SEC23IP: variants seen among roughly 807,000 people sequenced by gnomAD.
SEC23IP encodes the protein SEC23 interacting protein.
SEC23IP carries 70 observed loss-of-function variants against 113.4 expected under a neutral mutation model. That is an observed-to-expected ratio of 0.62 (90% confidence interval 0.51 to 0.75). The LOEUF (loss-of-function observed/expected upper bound fraction) is 0.75, where lower values mean the gene tolerates loss of function less well. SEC23IP is among the 30% of genes least tolerant of loss of function. The pLI is 0.00. For synonymous variants in SEC23IP, 398 were observed against 421.0 expected, an observed-to-expected ratio of 0.95 and a Z score of 0.67; for missense variants, 1,160 against 1,204.9, an observed-to-expected ratio of 0.96 and a Z score of 0.55.
At chr10:119,911,363 C>T (rs537394997) in intron 5 of SEC23IP, among the ~76,000 whole-genome samples, 48 of 151,834 alleles carry the variant, frequency 3.2e-4, no homozygotes, top group Non-Finnish European at 6.0e-4. Flanking sequence ...TGAGCTCAAG[C>T]GGTCCTCCCA....
At position 119,944,494 on chromosome 10, in the gene SEC23IP, G is replaced by A. The variant is rs1159655335; in HGVS notation, c.*3929G>A. 6.6e-6 allele frequency: 1 copy of A among 152,270 alleles called. No individual in the cohort carries two copies. Among genetic ancestry groups the A allele is most frequent in the African/African-American group, 2.4e-5 (1 of 41,440 alleles). 9.4% of individuals were successfully genotyped at this position (152,270 alleles called of 1,614,324 possible). ...AGGTAAAGAGATGTGGCCAGGTGAAGACGGAAAAAGGACAGTGCATTCCAG... is the reference window on the plus strand; with the variant it reads ...AGGTAAAGAGATGTGGCCAGGTGAAAACGGAAAAAGGACAGTGCATTCCAG... On this transcript the variant is annotated 3_prime_UTR_variant, in exon 19 of 19. Coordinates refer to ENST00000369075, the MANE Select transcript of SEC23IP (RefSeq NM_007190.4).
intron 13 of SEC23IP, among the ~76,000 whole-genome samples, chr10:119,928,033 G>A (rs1312447775): frequency 1.3e-5 from 2 of 152,116 alleles, no homozygotes; most frequent in African/African-American, 2.4e-5. Flanking sequence ...CTTTGACAAC[G>A]CTATTGTAAA....
rs746659169 is a variant in SEC23IP, at chr10:119,917,900, C to T, written c.1609C>T (p.Leu537=). ...TCGTCACTTTACCAATGAAACTTTG[C>T]TAGATATTTTATTTTATAACAGCCC... ...RFRHFTNETL[L]DILFYNSPTY... The change falls in exon 9 of 19, where the codon CTA becomes TTA. Residue 537 remains leucine (L), a synonymous_variant. Coordinates refer to ENST00000369075, the MANE Select transcript of SEC23IP (RefSeq NM_007190.4). 1 of 1,613,944 alleles carries T rather than the reference C, an allele frequency of 6.2e-7. No homozygotes were observed. The highest frequency in any genetic ancestry group is 1.1e-5 in the South Asian group (1 of 91,084).
chr10:119,933,384 GT>G (rs1855671524), intron 17 of SEC23IP, among the ~76,000 whole-genome samples: 1 of 152,144 alleles, frequency 6.6e-6, no homozygotes, highest in Non-Finnish European at 1.5e-5. Flanking sequence ...CTTGCACACT[GT>G]TTTTGTGGGA....
intron 6 of SEC23IP, chr10:119,914,401 C>A: frequency 3.6e-6 from 1 of 281,086 alleles, no homozygotes; most frequent in Non-Finnish European, 6.8e-6. Flanking sequence ...GAGTAATCTC[C>A]ACTGGGGCTT....
chr10:119,923,014 C>CA (rs201496474), intron 12 of SEC23IP, among the ~76,000 whole-genome samples: 8,167 of 137,482 alleles, frequency 0.059, 427 homozygotes, highest in South Asian at 0.29. Context: ...AAAAAAAAAA[C>CA]AAAAAAAACA....
rs568494204 is a variant in SEC23IP at position 119,938,440 on chromosome 10, A to G, written c.*21-2146A>G. On this transcript the variant is annotated intron_variant, in intron 18 of 18. Coordinates refer to ENST00000369075, the MANE Select transcript of SEC23IP (RefSeq NM_007190.4). ...ATGTAGTTGCTTGCTTTTATCCCTC[A>G]TTGAGACTATAGATGTTTAGTCCCC... Among the ~76,000 whole-genome samples, 3 of 152,114 alleles carry G rather than the reference A, an allele frequency of 2.0e-5. No homozygotes were observed. The East Asian group carries it at 5.8e-4, about 29-fold the overall frequency.
In SEC23IP at chr10:119,933,578, C is replaced by T. The variant is rs987761510; in HGVS notation, c.2922-108C>T. 4.4e-5 allele frequency: 29 copies of T among 652,320 alleles called. 1 individual carries two copies. The highest frequency in any genetic ancestry group is 4.4e-4 in the South Asian group (23 of 51,932). The allele number at this position is 652,320 out of a possible 1,614,324, so 40.4% of individuals were successfully genotyped here. The stretch of plus-strand genomic sequence containing the variant: ...TGAGATTACATTGCTATCATTTGCC[C>T]TTCTTAGATAGAGTTGAATAGAATA... On this transcript the variant is annotated intron_variant, in intron 17 of 18. Coordinates refer to ENST00000369075, the MANE Select transcript of SEC23IP (RefSeq NM_007190.4).
In SEC23IP at chr10:119,940,661, C is replaced by T. The variant is rs1226864719; in HGVS notation, c.*96C>T. ...ATCCTCAGAGGACTTTCCCACTTCG[C>T]TCCTGTGATGGATGACAGAAGAGTG... On this transcript the variant is annotated 3_prime_UTR_variant, in exon 19 of 19. Coordinates refer to ENST00000369075, the MANE Select transcript of SEC23IP (RefSeq NM_007190.4). 6.6e-6 allele frequency: 1 copy of T among 151,952 alleles called. No individual in the cohort carries two copies. The highest frequency in any genetic ancestry group is 1.5e-5 in the Non-Finnish European group (1 of 68,020). The allele number at this position is 151,952 out of a possible 1,614,324, so 9.4% of individuals were successfully genotyped here.
chr10:119,908,253 A>G (rs965356816), intron 4 of SEC23IP, among the ~76,000 whole-genome samples: 1 of 152,106 alleles, frequency 6.6e-6, no homozygotes, highest in Admixed American at 6.5e-5. Context: ...ACTCCAGCCC[A>G]CATGAAAAAA....
Position 119,902,794 on chromosome 10 carries a change from T to C in SEC23IP, c.697-5T>C. 1 of 1,613,378 alleles carries C rather than the reference T, an allele frequency of 6.2e-7. No individual in the cohort carries two copies. Among genetic ancestry groups the C allele is most frequent in the South Asian group, 1.1e-5 (1 of 90,988 alleles). On this transcript the variant is annotated splice_region_variant and splice_polypyrimidine_tract_variant and intron_variant, in intron 2 of 18. Transcript: ENST00000369075. ...TGACAGTCTTAACTTTGCCGTCCCC[T>C]CCAGGTTCCTTCTTCAGTGCAGTCA...
At chr10:119,917,379 A>ATT (rs199693190) in intron 8 of SEC23IP, among the ~76,000 whole-genome samples, 10 of 139,738 alleles carry the variant, frequency 7.2e-5, no homozygotes, top group South Asian at 2.2e-4. Flanking sequence ...TTTGATTTAA[A>ATT]TTTTTTTTTT....
intron 2 of SEC23IP, among the ~76,000 whole-genome samples, chr10:119,899,465 T>C (rs1426169782): frequency 6.6e-6 from 1 of 152,234 alleles, no homozygotes; most frequent in Admixed American, 6.5e-5. Context: ...AATTCCCTTA[T>C]GCATTTTTCC....
chr10:119,917,282 C>T (rs61867985), intron 8 of SEC23IP, among the ~76,000 whole-genome samples: 8,322 of 152,204 alleles, frequency 0.055, 427 homozygotes, highest in South Asian at 0.27. Flanking sequence ...TCACTGCAAC[C>T]TCCACCTCCT....
At chr10:119,913,496 CT>C (rs558792370) in intron 6 of SEC23IP, among the ~76,000 whole-genome samples, 453 of 143,718 alleles carry the variant, frequency 3.2e-3, no homozygotes, top group Admixed American at 4.0e-3. Flanking sequence ...TTCCATAAAG[CT>C]TTTTTTTTTT....
rs1359150542 is a variant in SEC23IP at position 119,922,291 on chromosome 10, G to C, written c.2121+1307G>C. 2.0e-5 allele frequency among the ~76,000 whole-genome samples: 3 copies of C among 152,150 alleles called. No individual in the cohort carries two copies. In the East Asian group the frequency reaches 5.8e-4, roughly 29 times the overall value. On this transcript the variant is annotated intron_variant, in intron 12 of 18. Transcript: ENST00000369075. ...GGAATCTGGCATGTGTTTTCCTGTA[G>C]CATCAGGGAAGCTGGAAACTGGGAA... is the stretch of plus-strand genomic sequence containing the variant.
chr10:119,933,082 C>G lies in SEC23IP; in HGVS notation c.2836C>G (p.Arg946Gly). 2 of 1,613,856 alleles carry G rather than the reference C, an allele frequency of 1.2e-6. No individual in the cohort carries two copies. Among genetic ancestry groups the G allele is most frequent in the Non-Finnish European group, 8.5e-7 (1 of 1,179,768 alleles). ...LGKVGMLNGG[R>G]RIDYVLQEKP... ...AAAGGTTGGAATGTTAAATGGAGGC[C>G]GCCGAATTGACTACGTTCTCCAAGA... is the stretch of plus-strand genomic sequence containing the variant. The change falls in exon 17 of 19, where the codon CGC becomes GGC. Residue 946 changes from arginine to glycine, a missense_variant. Coordinates refer to ENST00000369075, the MANE Select transcript of SEC23IP (RefSeq NM_007190.4).
chr10:119,932,139 A>AAGAGAGTCTC lies in SEC23IP; in HGVS notation c.2580_2589dup (p.Ser864ArgfsTer9). On this transcript the variant is annotated frameshift_variant, in exon 16 of 19. Coordinates refer to ENST00000369075, the MANE Select transcript of SEC23IP (RefSeq NM_007190.4). LOFTEE classifies it high-confidence loss of function. ...GTCATCTTAATCTCTTTAGAATTGAAAGAGAGTCTCTCTCGTATGGGATCT... is the reference window on the plus strand; with the variant it reads ...GTCATCTTAATCTCTTTAGAATTGAAAGAGAGTCTCAGAGAGTCTCTCTCGTATGGGATCT... 2 of 1,605,468 alleles carry AAGAGAGTCTC rather than the reference A, an allele frequency of 1.2e-6. No individual in the cohort carries two copies. Among genetic ancestry groups the AAGAGAGTCTC allele is most frequent in the Non-Finnish European group, 1.7e-6 (2 of 1,172,864 alleles).
At chr10:119,916,812 C>T (rs1014221722) in intron 8 of SEC23IP, among the ~76,000 whole-genome samples, 1 of 152,134 alleles carries the variant, frequency 6.6e-6, no homozygotes, top group African/African-American at 2.4e-5. Context: ...TAGCAACTAA[C>T]TCTTCAGAGA....
Sources: allele counts gnomAD v4.1 joint callset (sites outside exome capture counted in the v4.1 genomes callset), GRCh38; gene constraint gnomAD v4.1.1; transcripts MANE v1.5; gene names NCBI Gene and HGNC (gene_info 2026-07-23, HGNC 2026-07-21).